Variants in SPTBN1 observed in about 807,000 individuals in gnomAD.
The protein encoded by SPTBN1 is spectrin beta chain, non-erythrocytic 1.
A neutral mutation model predicts 266.4 loss-of-function variants in SPTBN1; 32 were observed. That is an observed-to-expected ratio of 0.12 (90% CI 0.09 to 0.16). SPTBN1 has a LOEUF of 0.16. Ranked by LOEUF, SPTBN1 falls within the 10% of genes least tolerant of loss-of-function variation. SPTBN1 has a pLI of 1.00. For synonymous variants in SPTBN1, 1,336 were observed against 1,162.2 expected (o/e 1.15, Z -3.04); for missense variants, 2,296 against 3,067.1 (o/e 0.75, Z 5.94).
Position 54,650,139 on chromosome 2 carries a change from A to G in SPTBN1, c.5577+150A>G, listed in dbSNP as rs1020363828. ...TGTACCCACTTTGTAATAGTGCTCC[A>G]TTTGGGAGAACTTATCAGTCCATAA... On this transcript the variant is annotated intron_variant, in intron 26 of 35. Coordinates refer to ENST00000356805, the MANE Select transcript of SPTBN1 (RefSeq NM_003128.3). 64 of 1,029,202 alleles carry G rather than the reference A, an allele frequency of 6.2e-5. No homozygotes were observed. In the East Asian group the frequency reaches 6.6e-4, roughly 11 times the overall value. The allele number at this position is 1,029,202 out of a possible 1,614,324, so 63.8% of individuals were successfully genotyped here.
Position 54,583,052 on chromosome 2 carries a change from T to C in SPTBN1, c.149-16040T>C, listed in dbSNP as rs188800779. Among the ~76,000 whole-genome samples, 14 of 152,270 alleles carry C rather than the reference T, an allele frequency of 9.2e-5. No individual in the cohort carries two copies. In the East Asian group the frequency reaches 2.7e-3, roughly 29 times the overall value. On this transcript the variant is annotated intron_variant, in intron 2 of 35. Transcript: ENST00000356805. ...AGAAGATAATTTAATTCCTCCGTCA[T>C]CTAGGACCATGCTGGAGCCCTTCCC...
chr2:54,468,673 G>GT (rs1693765608), intron 1 of SPTBN1, among the ~76,000 whole-genome samples: 1 of 152,176 alleles, frequency 6.6e-6, no homozygotes, highest in Non-Finnish European at 1.5e-5. Context: ...TCAAAAATTT[G>GT]TTTATTATAG....
At position 54,483,554 on chromosome 2, in the gene SPTBN1, G is replaced by T. The variant is rs746411556; in HGVS notation, c.-48+27036G>T. Among the ~76,000 whole-genome samples, 102 of 152,156 alleles carry T rather than the reference G, an allele frequency of 6.7e-4. 1 individual carries two copies. The highest frequency in any genetic ancestry group is 5.5e-3 in the Admixed American group (84 of 15,270). ...CTGGTCTGTACCATCCAGGCTCTTT[G>T]CTGTGCCTTCCTGTCTCCTGCATTT... On this transcript the variant is annotated intron_variant, in intron 1 of 35. Transcript: ENST00000356805.
chr2:54,630,954 C>G lies in SPTBN1; in HGVS notation c.2907C>G (p.Ser969=). 6.2e-7 allele frequency: 1 copy of G among 1,614,146 alleles called. No homozygotes were observed. ...NYHLECNETK[S]WIREKTKVIE... ...ACCTCGAGTGCAATGAAACCAAATC[C>G]TGGATTCGGGAAAAGACCAAGGTCA... The change falls in exon 16 of 36, where the codon TCC becomes TCG. Residue 969 remains serine, a synonymous_variant. Coordinates refer to ENST00000356805, the MANE Select transcript of SPTBN1 (RefSeq NM_003128.3).
chr2:54,485,355 T>C (rs1668305133), intron 1 of SPTBN1, among the ~76,000 whole-genome samples: 1 of 152,166 alleles, frequency 6.6e-6, no homozygotes, highest in African/African-American at 2.4e-5. Flanking sequence ...CACGCCTGAC[T>C]GGTTTTCGTA....
chr2:54,585,244 C>T (rs927538099), intron 2 of SPTBN1, among the ~76,000 whole-genome samples: 3 of 152,238 alleles, frequency 2.0e-5, no homozygotes, highest in East Asian at 1.9e-4. Context: ...GTTAGTGTTC[C>T]TATAATGCAA....
chr2:54,521,774 G>A (rs561795147), intron 1 of SPTBN1, among the ~76,000 whole-genome samples: 40 of 151,904 alleles, frequency 2.6e-4, no homozygotes, highest in Non-Finnish European at 5.3e-4. Context: ...TCTGGCCACC[G>A]TGGCCTCCCA....
At chr2:54,630,783 C>G in intron 15 of SPTBN1, 72 bp from the exon 16 acceptor site, 1 of 1,488,582 alleles carries the variant, frequency 6.7e-7, no homozygotes. Context: ...TAACCCATCA[C>G]TGTTCCTTTT....
intron 17 of SPTBN1, among the ~76,000 whole-genome samples, chr2:54,637,081 C>T (rs778988181): frequency 2.6e-5 from 4 of 152,192 alleles, no homozygotes; most frequent in African/African-American, 7.2e-5. Context: ...TTAGCGTTTA[C>T]CAAATTCAGC....
intron 2 of SPTBN1, among the ~76,000 whole-genome samples, chr2:54,534,084 A>C (rs1327599955): frequency 6.6e-6 from 1 of 152,210 alleles, no homozygotes; most frequent in African/African-American, 2.4e-5. Context: ...GCTAGGCTGC[A>C]GGTCTCTGAG....
chr2:54,535,810 A>C (rs898456957), intron 2 of SPTBN1, among the ~76,000 whole-genome samples: 4 of 152,222 alleles, frequency 2.6e-5, no homozygotes, highest in Non-Finnish European at 5.9e-5. Flanking sequence ...TCAGGAGTTC[A>C]TGACCAGCCT....
Position 54,558,903 on chromosome 2 carries a change from A to G in SPTBN1, c.148+32337A>G, listed in dbSNP as rs1413599642. On this transcript the variant is annotated intron_variant, in intron 2 of 35. Transcript: ENST00000356805. This position sits in a 1 kb window ranked among gnomAD's most constrained non-coding sequence, Gnocchi z 4.6. ...CAGCTGCAAGGTAAGCCCCCTCCCA[A>G]AGGCCGGGCCTGTCCTGGGTGCCAA... is the stretch of plus-strand genomic sequence containing the variant. The G allele has an allele frequency of 1.2e-6, 2 of 1,611,586 alleles. No individual in the cohort carries two copies. Among genetic ancestry groups the G allele is most frequent in the Non-Finnish European group, 1.7e-6 (2 of 1,178,686 alleles).
At chr2:54,467,457 C>A (rs939536910) in intron 1 of SPTBN1, among the ~76,000 whole-genome samples, 1 of 152,176 alleles carries the variant, frequency 6.6e-6, no homozygotes, top group Non-Finnish European at 1.5e-5. Flanking sequence ...TGCGATGGCG[C>A]GATCTCGGCT....
intron 2 of SPTBN1, among the ~76,000 whole-genome samples, chr2:54,565,681 A>T (rs769640955): frequency 5.3e-5 from 8 of 152,228 alleles, no homozygotes; most frequent in Non-Finnish European, 8.8e-5. Flanking sequence ...TGTAAGGGAG[A>T]CAGATCAATA....
At chr2:54,479,604 T>A (rs1668003637) in intron 1 of SPTBN1, among the ~76,000 whole-genome samples, 1 of 152,206 alleles carries the variant, frequency 6.6e-6, no homozygotes, top group Non-Finnish European at 1.5e-5. Flanking sequence ...GATAACATGG[T>A]CACTCTAGTC....
At chr2:54,569,675 C>T (rs1416801590) in intron 2 of SPTBN1, among the ~76,000 whole-genome samples, 1 of 152,148 alleles carries the variant, frequency 6.6e-6, no homozygotes, top group Non-Finnish European at 1.5e-5. Context: ...GTCTGAGAGC[C>T]TGCTTCTCAT....
chr2:54,651,140 G>T (rs570290597), intron 26 of SPTBN1, among the ~76,000 whole-genome samples: 1 of 152,312 alleles, frequency 6.6e-6, no homozygotes, highest in African/African-American at 2.4e-5. Context: ...TCTAGAGATA[G>T]AATTAGAAAA....
At chr2:54,492,550 A>G (rs55677095) in intron 1 of SPTBN1, among the ~76,000 whole-genome samples, 5,488 of 150,112 alleles carry the variant, frequency 0.037, 278 homozygotes, top group East Asian at 0.13. Context: ...CTTTGCACCA[A>G]CTGACTGACT....
intron 2 of SPTBN1, 103 bp downstream of exon 2, chr2:54,526,669 G>A: frequency 1.5e-6 from 2 of 1,367,342 alleles, no homozygotes; most frequent in Non-Finnish European, 1.9e-6. Context: ...TTCGAAGGTT[G>A]TCTCACTTCT....
Sources: allele counts gnomAD v4.1 joint callset (sites outside exome capture counted in the v4.1 genomes callset), GRCh38; gene constraint gnomAD v4.1.1; non-coding constraint Gnocchi (gnomAD v3.1); transcripts MANE v1.5; gene names NCBI Gene and HGNC (gene_info 2026-07-23, HGNC 2026-07-21).